DIP2C: variants seen among roughly 807,000 people sequenced by gnomAD.
DIP2C encodes DIP2 acetate--CoA ligase C (putative), also known as disco-interacting protein 2 homolog C.
Under a neutral mutation model 192.4 loss-of-function variants are expected in DIP2C, and 33 were observed. The ratio of observed to expected loss-of-function variants is 0.17; its 90% CI spans 0.13 to 0.23. The LOEUF (loss-of-function observed/expected upper bound fraction) is 0.23. Ranked by LOEUF, DIP2C falls within the 10% of genes least tolerant of loss-of-function variation. The pLI is 1.00. For missense variants in DIP2C, 1,537 were observed against 2,110.1 expected (o/e 0.73, Z 5.32); for synonymous variants, 979 against 864.1 (o/e 1.13, Z -2.33).
At position 329,309 on chromosome 10, in the gene DIP2C, G is replaced by A. The variant is rs183790196; in HGVS notation, c.3753+124C>T. The A allele has an allele frequency of 2.0e-5, 21 of 1,056,664 alleles. No homozygotes were observed. In the East Asian group the frequency reaches 5.0e-4, roughly 25 times the overall value. 65.5% of individuals were successfully genotyped at this position (1,056,664 alleles called of 1,614,324 possible). On this transcript the variant is annotated intron_variant, in intron 30 of 36. Coordinates refer to ENST00000280886, the MANE Select transcript of DIP2C (RefSeq NM_014974.3). ...AGGCAGTTTGTAAGCTTCAGGTGACGTTAGATTAAACCCAGGCTTTGTTTT... is the reference window on the plus strand; with the variant it reads ...AGGCAGTTTGTAAGCTTCAGGTGACATTAGATTAAACCCAGGCTTTGTTTT...
At chr10:293,338 G>T (rs190028356) in intron 32 of DIP2C, among the ~76,000 whole-genome samples, 2 of 152,326 alleles carry the variant, frequency 1.3e-5, no homozygotes, top group East Asian at 3.9e-4. Context: ...AGGGAAACCC[G>T]GTCATGGAAA....
Position 363,538 on chromosome 10 carries a change from CCA to C in DIP2C, c.2478-229_2478-228del, listed in dbSNP as rs1959793286. Among the ~76,000 whole-genome samples, 1 of 152,220 alleles carries C rather than the reference CCA, an allele frequency of 6.6e-6. No individual in the cohort carries two copies. Among genetic ancestry groups the C allele is most frequent in the South Asian group, 2.1e-4 (1 of 4,828 alleles). On this transcript the variant is annotated intron_variant, in intron 20 of 36. Transcript: ENST00000280886. The surrounding 1 kb of genome is among the most constrained non-coding windows in gnomAD (Gnocchi z 5.4). Reference sequence around the variant, plus strand: ...AAGGTCACCCTGATCCCCACGGAGGCCACACACAGCACCCGCGGGCTCTGGTG... The same window carrying C: ...AAGGTCACCCTGATCCCCACGGAGGCCACACAGCACCCGCGGGCTCTGGTG...
chr10:409,181 G>A (rs536468439), intron 8 of DIP2C, among the ~76,000 whole-genome samples, 164 bp from the exon 9 acceptor site: 1 of 152,120 alleles, frequency 6.6e-6, no homozygotes, highest in African/African-American at 2.4e-5. Flanking sequence ...TGGTAGGCAA[G>A]AATGGAAAAT....
chr10:593,408 T>TCA (rs377096375), intron 1 of DIP2C, among the ~76,000 whole-genome samples: 2 of 151,364 alleles, frequency 1.3e-5, no homozygotes, highest in African/African-American at 2.4e-5. Flanking sequence ...CCAACTGCCT[T>TCA]CACACCTCAC....
At chr10:517,563 A>G (rs978155624) in intron 1 of DIP2C, among the ~76,000 whole-genome samples, 11 of 152,234 alleles carry the variant, frequency 7.2e-5, no homozygotes, top group Non-Finnish European at 1.2e-4. Flanking sequence ...GAAGGCAAGA[A>G]TAATTCCTCA....
At chr10:336,127 G>A (rs1050681470) in intron 29 of DIP2C, among the ~76,000 whole-genome samples, 2 of 152,194 alleles carry the variant, frequency 1.3e-5, no homozygotes, top group African/African-American at 2.4e-5. Context: ...CCAACACTTT[G>A]GGAGGCTGAG....
chr10:318,874 A>G (rs746191100), intron 31 of DIP2C, among the ~76,000 whole-genome samples: 7 of 151,654 alleles, frequency 4.6e-5, no homozygotes, highest in Non-Finnish European at 1.0e-4. Context: ...TTTGAGAATT[A>G]AGATTTACAT....
At chr10:396,961 A>C (rs1027848536) in intron 10 of DIP2C, among the ~76,000 whole-genome samples, 1 of 152,184 alleles carries the variant, frequency 6.6e-6, no homozygotes, top group South Asian at 2.1e-4. Context: ...CTGGCTTTGT[A>C]CATAGGAAAT....
At chr10:510,263 G>A (rs573404720) in intron 1 of DIP2C, among the ~76,000 whole-genome samples, 15 of 152,306 alleles carry the variant, frequency 9.8e-5, no homozygotes, top group African/African-American at 3.6e-4. Context: ...AATGCTGCTT[G>A]GAGAAACTAA....
intron 2 of DIP2C, among the ~76,000 whole-genome samples, chr10:474,753 T>C (rs1970928102): frequency 6.6e-6 from 1 of 152,236 alleles, no homozygotes; most frequent in Admixed American, 6.5e-5. Context: ...AGATACGGAC[T>C]TCTGGGTGAA....
intron 22 of DIP2C, among the ~76,000 whole-genome samples, chr10:360,026 C>T (rs1055403316): frequency 6.6e-6 from 1 of 152,156 alleles, no homozygotes; most frequent in African/African-American, 2.4e-5. Context: ...CAAGGTTTCC[C>T]GTAATGTTTT....
chr10:286,998 T>C (rs1011905427), intron 33 of DIP2C, among the ~76,000 whole-genome samples: 3 of 152,226 alleles, frequency 2.0e-5, no homozygotes, highest in Non-Finnish European at 4.4e-5. Flanking sequence ...AGAACGTCCG[T>C]GTGGATCTCC....
intron 1 of DIP2C, among the ~76,000 whole-genome samples, chr10:514,435 T>G (rs535853302): frequency 6.3e-4 from 96 of 152,312 alleles, no homozygotes; most frequent in Admixed American, 1.8e-3. Context: ...TCCAGGCGTC[T>G]TCTTTGTCCG....
At chr10:343,292 C>CA (rs764244586) in intron 28 of DIP2C, among the ~76,000 whole-genome samples, 38 of 152,058 alleles carry the variant, frequency 2.5e-4, no homozygotes, top group East Asian at 2.1e-3. Context: ...CCATCTCAAA[C>CA]AAAAAAACAT....
intron 4 of DIP2C, among the ~76,000 whole-genome samples, chr10:436,624 C>T (rs888968745): frequency 6.6e-6 from 1 of 150,614 alleles, no homozygotes; most frequent in Non-Finnish European, 1.5e-5. Flanking sequence ...AGCTCCACCT[C>T]CTGGACGTGG....
intron 3 of DIP2C, among the ~76,000 whole-genome samples, chr10:467,886 G>A (rs1395454853): frequency 6.6e-6 from 1 of 152,140 alleles, no homozygotes; most frequent in Non-Finnish European, 1.5e-5. Flanking sequence ...AAAGCACCAT[G>A]GCACATGTAT....
At chr10:510,355 G>A (rs1172363975) in intron 1 of DIP2C, among the ~76,000 whole-genome samples, 6 of 152,182 alleles carry the variant, frequency 3.9e-5, no homozygotes, top group East Asian at 3.9e-4. Flanking sequence ...CTGGGTATTC[G>A]GCATTTTAAG....
chr10:317,645 A>G (rs1956832285), intron 31 of DIP2C, among the ~76,000 whole-genome samples: 2 of 152,226 alleles, frequency 1.3e-5, no homozygotes, highest in South Asian at 4.1e-4. Flanking sequence ...GCTGAAAGCC[A>G]GGCGAACACT....
At chr10:370,799 C>T (rs1960863688) in intron 17 of DIP2C, among the ~76,000 whole-genome samples, 1 of 151,934 alleles carries the variant, frequency 6.6e-6, no homozygotes, top group South Asian at 2.1e-4. Flanking sequence ...AGCTGTTTAA[C>T]TTTAAAATAT....
Sources: gnomAD v4.1 joint callset for allele counts (sites outside exome capture counted in the v4.1 genomes callset) on GRCh38, gnomAD v4.1.1 for gene constraint, Gnocchi (gnomAD v3.1) non-coding constraint, MANE v1.5 for transcripts, NCBI Gene and HGNC (gene_info 2026-07-23, HGNC 2026-07-21) for gene names.